AGBL1: variants seen among roughly 807,000 people sequenced by gnomAD.
The protein encoded by AGBL1 is cytosolic carboxypeptidase 4.
A neutral mutation model predicts 118.9 loss-of-function variants in AGBL1; 130 were observed. The observed-to-expected ratio is 1.09, with a 90% CI of 0.95 to 1.26. The LOEUF (loss-of-function observed/expected upper bound fraction) is 1.26. AGBL1 is among the 50% of genes most tolerant of loss of function. The probability of loss-of-function intolerance (pLI) is 0.00; values close to 1 mark genes in which losing one functional copy is unlikely to be tolerated. For synonymous variants in AGBL1, 555 were observed against 478.9 expected (o/e 1.16, Z -2.08); for missense variants, 1,584 against 1,298.1 (o/e 1.22, Z -3.38).
At chr15:86,494,938 C>T (rs2082828282) in intron 18 of AGBL1, among the ~76,000 whole-genome samples, 1 of 127,942 alleles carries the variant, frequency 7.8e-6, no homozygotes, top group African/African-American at 2.6e-5. Context: ...TACGTATTTG[C>T]TTCAGGGTTT....
At chr15:86,113,579 C>G (rs1031011680) in intron 1 of AGBL1, among the ~76,000 whole-genome samples, 1 of 152,142 alleles carries the variant, frequency 6.6e-6, no homozygotes. Flanking sequence ...AGCCACTGCA[C>G]CCGGCCCACC....
At chr15:86,460,129 C>G (rs1354799965) in intron 18 of AGBL1, among the ~76,000 whole-genome samples, 1 of 151,632 alleles carries the variant, frequency 6.6e-6, no homozygotes, top group African/African-American at 2.4e-5. Context: ...GTCTCCTGGT[C>G]TTAGGTGTCA....
At chr15:86,763,263 T>A (rs1485878535) in intron 22 of AGBL1, among the ~76,000 whole-genome samples, 3 of 152,034 alleles carry the variant, frequency 2.0e-5, no homozygotes, top group Non-Finnish European at 4.4e-5. Context: ...ATGTAGGCAA[T>A]CTCTCAAATA....
intron 22 of AGBL1, among the ~76,000 whole-genome samples, chr15:86,814,156 C>T (rs899544037): frequency 3.9e-5 from 6 of 152,306 alleles, no homozygotes; most frequent in Middle Eastern, 3.4e-3. Flanking sequence ...CGAGCATTAC[C>T]GCCTGAGCTC....
At chr15:86,787,765 G>C (rs920139807) in intron 22 of AGBL1, among the ~76,000 whole-genome samples, 1 of 152,002 alleles carries the variant, frequency 6.6e-6, no homozygotes, top group Admixed American at 6.6e-5. Context: ...GAGATTGCTG[G>C]GTCATATGGA....
chr15:86,821,658 A>G (rs1459022937), intron 22 of AGBL1, among the ~76,000 whole-genome samples: 1 of 152,236 alleles, frequency 6.6e-6, no homozygotes, highest in African/African-American at 2.4e-5. Flanking sequence ...AAACATGCCA[A>G]TAATGTCATC....
chr15:86,391,939 G>T (rs1035645136), intron 17 of AGBL1, among the ~76,000 whole-genome samples: 13 of 151,934 alleles, frequency 8.6e-5, no homozygotes, highest in Admixed American at 2.6e-4. Flanking sequence ...GGACAGACCA[G>T]ATCAAATGTT....
chr15:86,977,709 T>C (rs897690353), intron 23 of AGBL1, among the ~76,000 whole-genome samples: 3 of 152,004 alleles, frequency 2.0e-5, no homozygotes, highest in African/African-American at 7.2e-5. Flanking sequence ...ATTACTTAAG[T>C]CTACTAGATT....
At chr15:86,949,333 G>C (rs999370842) in intron 23 of AGBL1, among the ~76,000 whole-genome samples, 1 of 152,038 alleles carries the variant, frequency 6.6e-6, no homozygotes, top group African/African-American at 2.4e-5. Context: ...AAGTAACTAA[G>C]ATCCCAGAAA....
chr15:86,405,199 C>T (rs528365071), intron 18 of AGBL1, among the ~76,000 whole-genome samples: 1 of 152,268 alleles, frequency 6.6e-6, no homozygotes, highest in Non-Finnish European at 1.5e-5. Context: ...TTCAGCTATG[C>T]TACTGGGCTT....
Position 86,780,032 on chromosome 15 carries a change from T to C in AGBL1, c.3158+105596T>C, listed in dbSNP as rs764266804. Among the ~76,000 whole-genome samples, 9 of 152,202 alleles carry C rather than the reference T, an allele frequency of 5.9e-5. No homozygotes were observed. In the South Asian group the frequency reaches 1.0e-3, roughly 18 times the overall value. On this transcript the variant is annotated intron_variant, in intron 22 of 22. Coordinates refer to ENST00000614907, the MANE Select transcript of AGBL1 (RefSeq NM_001386094.1). ...TTTCTTTTAAGGCTAGTTCTGCTCA[T>C]ATCCTATTTAAGAAATCTTTGCCTA...
intron 23 of AGBL1, among the ~76,000 whole-genome samples, chr15:86,966,452 T>C (rs1289688289): frequency 1.3e-5 from 2 of 152,016 alleles, no homozygotes; most frequent in African/African-American, 4.8e-5. Flanking sequence ...ATGAGGTATA[T>C]CTCCTAATGC....
chr15:86,261,811 G>C (rs1452247354), intron 9 of AGBL1, among the ~76,000 whole-genome samples: 1 of 152,006 alleles, frequency 6.6e-6, no homozygotes, highest in Non-Finnish European at 1.5e-5. Context: ...ACAATAAAGT[G>C]CCTGGGATTA....
At chr15:86,557,446 T>C (rs2083750808) in intron 21 of AGBL1, among the ~76,000 whole-genome samples, 1 of 152,172 alleles carries the variant, frequency 6.6e-6, no homozygotes, top group Non-Finnish European at 1.5e-5. Flanking sequence ...GGCTGTCAGC[T>C]TGCTCCTTGC....
At chr15:86,716,191 C>T (rs770144693) in intron 22 of AGBL1, among the ~76,000 whole-genome samples, 3 of 152,182 alleles carry the variant, frequency 2.0e-5, no homozygotes, top group Admixed American at 6.5e-5. Context: ...AATCTCTCTA[C>T]CATTCCCAGT....
chr15:86,922,234 C>T (rs2080488437), intron 23 of AGBL1, among the ~76,000 whole-genome samples: 1 of 152,116 alleles, frequency 6.6e-6, no homozygotes, highest in Non-Finnish European at 1.5e-5. Flanking sequence ...GCAACTTCAC[C>T]AATAAAATTA....
chr15:86,483,976 C>G (rs2082683839), intron 18 of AGBL1, among the ~76,000 whole-genome samples: 1 of 152,058 alleles, frequency 6.6e-6, no homozygotes, highest in Non-Finnish European at 1.5e-5. Context: ...TCCCTGTTTT[C>G]CAGTTCAAGT....
Position 86,734,978 on chromosome 15 carries a change from A to G in AGBL1, c.3158+60542A>G, listed in dbSNP as rs531895586. On this transcript the variant is annotated intron_variant, in intron 22 of 22. Transcript: ENST00000614907. ...TGCCCCAGATTCAGGATGTGTTTCC[A>G]TCCAGTTTTCTATTTTCTTTTGTGC... 2.6e-5 allele frequency among the ~76,000 whole-genome samples: 4 copies of G among 152,186 alleles called. No individual in the cohort carries two copies. In the East Asian group the frequency reaches 7.7e-4, roughly 29 times the overall value.
At chr15:86,892,969 G>A (rs1303382418) in intron 22 of AGBL1, among the ~76,000 whole-genome samples, 1 of 152,140 alleles carries the variant, frequency 6.6e-6, no homozygotes, top group African/African-American at 2.4e-5. Context: ...CCTCTTAGAT[G>A]GAGCACAGCG....
Sources: gnomAD v4.1 joint callset for allele counts (sites outside exome capture counted in the v4.1 genomes callset) on GRCh38, gnomAD v4.1.1 for gene constraint, MANE v1.5 for transcripts, NCBI Gene and HGNC (gene_info 2026-07-23, HGNC 2026-07-21) for gene names.